The following PCDH9 variants were observed in gnomAD, a reference collection of about 807,000 sequenced individuals.
PCDH9 encodes protocadherin 9.
A neutral mutation model predicts 70.6 loss-of-function variants in PCDH9; 24 were observed. The observed-to-expected ratio is 0.34, with a 90% confidence interval of 0.25 to 0.48. The LOEUF is 0.48. Ranked by LOEUF, PCDH9 falls within the 20% of genes least tolerant of loss-of-function variation. The pLI is 0.99. For missense variants in PCDH9, 1,281 were observed against 1,503.6 expected, an observed-to-expected ratio of 0.85 and a Z score of 2.45; for synonymous variants, 562 against 558.5, an observed-to-expected ratio of 1.01 and a Z score of -0.09.
chr13:66,701,517 A>G (rs2078648207), intron 3 of PCDH9, among the ~76,000 whole-genome samples: 1 of 152,146 alleles, frequency 6.6e-6, no homozygotes, highest in African/African-American at 2.4e-5. Context: ...ATTAATTCAG[A>G]AGAAGTTAAA....
intron 3 of PCDH9, among the ~76,000 whole-genome samples, chr13:66,787,772 A>T (rs1350443697): frequency 6.6e-6 from 1 of 152,100 alleles, no homozygotes; most frequent in Non-Finnish European, 1.5e-5. Context: ...CCCTTCATCC[A>T]ATCAGTTGGC....
intron 2 of PCDH9, among the ~76,000 whole-genome samples, chr13:67,186,491 A>T (rs2088763122): frequency 6.6e-6 from 1 of 152,098 alleles, no homozygotes; most frequent in South Asian, 2.1e-4. Flanking sequence ...AGGTGTGGGG[A>T]TTTTGCATTT....
chr13:66,902,494 T>TA (rs2082292251), intron 3 of PCDH9, among the ~76,000 whole-genome samples: 1 of 151,620 alleles, frequency 6.6e-6, no homozygotes, highest in Non-Finnish European at 1.5e-5. Flanking sequence ...ATTTTTTTTT[T>TA]ACTAATCATG....
intron 3 of PCDH9, among the ~76,000 whole-genome samples, chr13:66,756,511 T>A (rs1410441476): frequency 2.3e-5 from 3 of 128,614 alleles, no homozygotes; most frequent in Non-Finnish European, 5.3e-5. Flanking sequence ...AAGTCTTTTG[T>A]AGGATAATCT....
At chr13:66,394,033 A>G (rs1371562948) in intron 4 of PCDH9, among the ~76,000 whole-genome samples, 2 of 152,220 alleles carry the variant, frequency 1.3e-5, no homozygotes, top group East Asian at 3.8e-4. Context: ...GGAGGAAAAT[A>G]CTATTTCATT....
intron 2 of PCDH9, among the ~76,000 whole-genome samples, chr13:66,923,093 T>C (rs1190535131): frequency 1.3e-5 from 2 of 151,508 alleles, no homozygotes; most frequent in African/African-American, 4.8e-5. Flanking sequence ...AAAAACTATG[T>C]ATAATTTGAT....
chr13:66,913,979 A>C (rs1043343334), intron 2 of PCDH9, among the ~76,000 whole-genome samples: 13 of 152,064 alleles, frequency 8.5e-5, no homozygotes, highest in African/African-American at 2.9e-4. Context: ...CCAGAAAAAG[A>C]ATTGGTGCTT....
At chr13:66,672,922 T>C (rs909745990) in intron 3 of PCDH9, among the ~76,000 whole-genome samples, 4 of 152,182 alleles carry the variant, frequency 2.6e-5, no homozygotes, top group Non-Finnish European at 5.9e-5. Flanking sequence ...CTTTCTTTGA[T>C]TTTACAAGCT....
rs1184414927 is a variant in PCDH9 at position 66,637,470 on chromosome 13, T to C, written c.3139-6059A>G. Among the ~76,000 whole-genome samples the C allele has an allele frequency of 3.9e-5, 6 of 152,202 alleles. No individual in the cohort carries two copies. In the East Asian group the frequency reaches 1.2e-3, roughly 29 times the overall value. On this transcript the variant is annotated intron_variant, in intron 3 of 4. Transcript: ENST00000377865. ...TCTAGTGGTAATAAATAAAATACTT[T>C]ATGAGTTGAGAATTTTTTATGAGTC...
rs1184442203 is a variant in PCDH9, at chr13:66,885,739, CTT to C, written c.3138+17763_3138+17764del. On this transcript the variant is annotated intron_variant, in intron 3 of 4. Coordinates refer to ENST00000377865, the MANE Select transcript of PCDH9 (RefSeq NM_203487.3). ...TTTCTCCTCTATATTTATTTTGAAA[CTT>C]ATAAGAATAAAACTTGAAGTAGAAT... Among the ~76,000 whole-genome samples the C allele has an allele frequency of 3.3e-5, 5 of 152,154 alleles. No homozygotes were observed. The East Asian group carries it at 5.8e-4, about 18-fold the overall frequency.
At chr13:66,321,814 G>A (rs1593795306) in intron 4 of PCDH9, among the ~76,000 whole-genome samples, 1 of 151,886 alleles carries the variant, frequency 6.6e-6, no homozygotes, top group African/African-American at 2.4e-5. Flanking sequence ...GTTGCTTGAA[G>A]TTTCTTCTTT....
chr13:66,943,783 G>A lies in PCDH9; in HGVS notation c.3037-40178C>T, dbSNP rs116672202. ...AAACTTCAAGCAATTCATCTGTATC[G>A]GCATGGAGAGGAGGAAAATGAGACT... On this transcript the variant is annotated intron_variant, in intron 2 of 4. Transcript: ENST00000377865. Among the ~76,000 whole-genome samples the A allele has an allele frequency of 7.6e-3, 1,155 of 152,028 alleles. 3 individuals carry two copies. Among genetic ancestry groups the A allele is most frequent in the African/African-American group, 0.01 (420 of 41,470 alleles).
chr13:66,542,670 A>C (rs1961011430), intron 4 of PCDH9, among the ~76,000 whole-genome samples: 1 of 131,452 alleles, frequency 7.6e-6, no homozygotes, highest in South Asian at 2.7e-4. Flanking sequence ...AAATATATAT[A>C]TATTTAAATA....
intron 2 of PCDH9, among the ~76,000 whole-genome samples, chr13:67,143,943 C>T (rs1352728466): frequency 6.6e-6 from 1 of 152,154 alleles, no homozygotes; most frequent in Non-Finnish European, 1.5e-5. Context: ...TGCATCTGTA[C>T]GTTTTGGGAG....
intron 4 of PCDH9, among the ~76,000 whole-genome samples, chr13:66,616,484 C>CTTTCT (rs2077357445): frequency 8.6e-6 from 1 of 116,672 alleles, no homozygotes; most frequent in African/African-American, 3.2e-5. Flanking sequence ...TTCTAAAATT[C>CTTTCT]TTTTTTTTTT....
intron 4 of PCDH9, among the ~76,000 whole-genome samples, chr13:66,488,358 G>A (rs1006028695): frequency 2.6e-5 from 4 of 152,176 alleles, no homozygotes; most frequent in Non-Finnish European, 4.4e-5. Context: ...CCTAATTAAC[G>A]ATTCAGTTAA....
At chr13:66,312,382 G>A (rs1464786715) in intron 4 of PCDH9, among the ~76,000 whole-genome samples, 3 of 152,144 alleles carry the variant, frequency 2.0e-5, no homozygotes, top group Non-Finnish European at 4.4e-5. Context: ...TAGGCATGGT[G>A]GCTCATGCCT....
chr13:66,397,186 A>G (rs1382746783), intron 4 of PCDH9, among the ~76,000 whole-genome samples: 1 of 152,114 alleles, frequency 6.6e-6, no homozygotes, highest in African/African-American at 2.4e-5. Context: ...TGGGAGAACA[A>G]GGTAGGAGGA....
At chr13:66,787,407 G>A (rs1290098130) in intron 3 of PCDH9, among the ~76,000 whole-genome samples, 1 of 152,128 alleles carries the variant, frequency 6.6e-6, no homozygotes, top group Admixed American at 6.6e-5. Context: ...CCTGAGGTCA[G>A]GAGTTTGAGA....
Sources: gnomAD v4.1 joint callset for allele counts (sites outside exome capture counted in the v4.1 genomes callset) on GRCh38, gnomAD v4.1.1 for gene constraint, MANE v1.5 for transcripts, NCBI Gene and HGNC (gene_info 2026-07-23, HGNC 2026-07-21) for gene names.